Variants in FRMPD4 observed in about 807,000 individuals in gnomAD.
FRMPD4 encodes FERM and PDZ domain containing 4.
FRMPD4 carries 22 observed loss-of-function variants against 94.1 expected under a neutral mutation model. The ratio of observed to expected loss-of-function variants is 0.23; its 90% CI spans 0.17 to 0.33. FRMPD4 has a LOEUF of 0.33. FRMPD4 is among the 10% of genes least tolerant of loss of function. The probability of loss-of-function intolerance (pLI) is 1.00; values close to 1 mark genes in which losing one functional copy is unlikely to be tolerated. For missense variants in FRMPD4, 1,111 were observed against 1,339.9 expected (o/e 0.83, Z 2.67); for synonymous variants, 631 against 548.6 (o/e 1.15, Z -2.10).
chrX:12,553,939 T>G, intron 2 of FRMPD4, among the ~76,000 whole-genome samples: 1 of 112,093 alleles, frequency 8.9e-6, no homozygotes, highest in Middle Eastern at 4.6e-3. Flanking sequence ...TATTTTTTCT[T>G]GTTTTCTTAA....
chrX:12,059,599 A>G (rs956727755), intron 3 of FRMPD4, among the ~76,000 whole-genome samples: 22 of 109,772 alleles, frequency 2.0e-4, no homozygotes, highest in Non-Finnish European at 1.3e-4. Context: ...ACAGTTTTTC[A>G]ATCCTTGTCC....
At chrX:12,144,980 A>C in intron 1 of FRMPD4, among the ~76,000 whole-genome samples, 1 of 110,865 alleles carries the variant, frequency 9.0e-6, no homozygotes, top group Non-Finnish European at 1.9e-5. Context: ...TATGAAAGAA[A>C]TGTTTCCAAA....
chrX:12,376,430 AT>A (rs1392420494), intron 1 of FRMPD4, among the ~76,000 whole-genome samples: 1 of 112,505 alleles, frequency 8.9e-6, no homozygotes, highest in Non-Finnish European at 1.9e-5. Context: ...ATGGCTTCAC[AT>A]GTCTGTGCTA....
intron 7 of FRMPD4, among the ~76,000 whole-genome samples, chrX:12,686,858 A>G (rs901916598): frequency 7.2e-5 from 8 of 111,876 alleles, no homozygotes; most frequent in African/African-American, 2.6e-4. Context: ...CCTGGAAAAG[A>G]AAAGTACAGA....
chrX:12,221,838 A>G (rs946272048), intron 1 of FRMPD4, among the ~76,000 whole-genome samples: 3 of 111,982 alleles, frequency 2.7e-5, no homozygotes, highest in African/African-American at 9.7e-5. Context: ...TAGAAATGAT[A>G]TAATAGCGAC....
intron 3 of FRMPD4, among the ~76,000 whole-genome samples, chrX:12,077,594 C>T (rs1251419258): frequency 8.9e-6 from 1 of 111,844 alleles, no homozygotes; most frequent in Non-Finnish European, 1.9e-5. Flanking sequence ...GCTGACCTGT[C>T]CACTTTGCAG....
intron 1 of FRMPD4, among the ~76,000 whole-genome samples, chrX:12,152,337 T>C (rs1048530735): frequency 8.9e-6 from 1 of 111,763 alleles, no homozygotes; most frequent in Non-Finnish European, 1.9e-5. Flanking sequence ...GGAAACACTT[T>C]ATGCAGTGAT....
intron 4 of FRMPD4, among the ~76,000 whole-genome samples, chrX:12,631,103 C>T (rs977254426): frequency 1.8e-5 from 2 of 111,493 alleles, no homozygotes; most frequent in Non-Finnish European, 3.8e-5. Flanking sequence ...GCTTTTCCTC[C>T]CCTTCCTTTG....
intron 4 of FRMPD4, among the ~76,000 whole-genome samples, chrX:12,652,408 T>C (rs1265386115): frequency 1.8e-5 from 2 of 112,237 alleles, no homozygotes; most frequent in East Asian, 5.5e-4. Flanking sequence ...ATTTTAAATG[T>C]ATAATTCAGT....
intron 2 of FRMPD4, among the ~76,000 whole-genome samples, chrX:12,606,315 G>A (rs997126274): frequency 1.4e-4 from 16 of 111,619 alleles, no homozygotes; most frequent in Admixed American, 1.3e-3. Context: ...TCTGGAGGGC[G>A]TACTATAATC....
intron 3 of FRMPD4, among the ~76,000 whole-genome samples, chrX:11,935,095 T>TAAA (rs1555914064): frequency 2.0e-5 from 1 of 49,003 alleles, no homozygotes; most frequent in Admixed American, 2.5e-4. Flanking sequence ...TTTTTTTTTT[T>TAAA]AAATTTAACA....
intron 1 of FRMPD4, among the ~76,000 whole-genome samples, chrX:12,164,265 C>G (rs1200431506): frequency 3.6e-5 from 4 of 110,649 alleles, no homozygotes; most frequent in Admixed American, 2.9e-4. Flanking sequence ...TCTCATTGTT[C>G]AATTCCCACC....
chrX:12,526,806 C>T (rs2058228784), intron 2 of FRMPD4, among the ~76,000 whole-genome samples: 1 of 111,930 alleles, frequency 8.9e-6, no homozygotes, highest in South Asian at 3.7e-4. Context: ...TTTACTAAGC[C>T]AAAACTATTT....
intron 1 of FRMPD4, among the ~76,000 whole-genome samples, chrX:12,252,374 A>T (rs1241583832): frequency 8.9e-6 from 1 of 112,186 alleles, no homozygotes; most frequent in Admixed American, 9.5e-5. Flanking sequence ...AAAGATCAGA[A>T]ATATTAATAG....
intron 1 of FRMPD4, among the ~76,000 whole-genome samples, chrX:11,855,195 G>A (rs767044195): frequency 8.9e-6 from 1 of 112,095 alleles, no homozygotes; most frequent in South Asian, 3.8e-4. Context: ...GCTGAAGCAG[G>A]TGGGATGCAG....
At chrX:12,218,817 A>G (rs921442807) in intron 1 of FRMPD4, among the ~76,000 whole-genome samples, 4 of 112,414 alleles carry the variant, frequency 3.6e-5, no homozygotes, top group Non-Finnish European at 7.5e-5. Context: ...GAATTAGTTC[A>G]GTGTATGATC....
At chrX:11,972,249 G>A (rs2147381637) in intron 3 of FRMPD4, among the ~76,000 whole-genome samples, 1 of 111,895 alleles carries the variant, frequency 8.9e-6, no homozygotes, top group South Asian at 3.8e-4. Context: ...ACTTAGCTCA[G>A]AAAGGACATC....
intron 1 of FRMPD4, among the ~76,000 whole-genome samples, chrX:12,448,199 T>C (rs2057223298): frequency 8.9e-6 from 1 of 112,489 alleles, no homozygotes; most frequent in Admixed American, 9.4e-5. Context: ...TTAAAATTTA[T>C]TGAATTCCTA....
At chrX:12,308,777 T>C (rs905072126) in intron 1 of FRMPD4, among the ~76,000 whole-genome samples, 1 of 111,941 alleles carries the variant, frequency 8.9e-6, no homozygotes, top group Admixed American at 9.4e-5. Context: ...AGGAGCCATA[T>C]TGGCATTTGC....
Sources: gnomAD v4.1 joint callset for allele counts (sites outside exome capture counted in the v4.1 genomes callset) on GRCh38, gnomAD v4.1.1 for gene constraint, MANE v1.5 for transcripts, NCBI Gene and HGNC (gene_info 2026-07-23, HGNC 2026-07-21) for gene names.